Variants in SLC6A11 observed in about 807,000 individuals in gnomAD.
SLC6A11 encodes sodium- and chloride-dependent GABA transporter 3.
A neutral mutation model predicts 74.8 loss-of-function variants in SLC6A11; 25 were observed. The ratio of observed to expected loss-of-function variants is 0.33; its 90% confidence interval spans 0.24 to 0.47. The LOEUF is 0.47. Ranked by LOEUF, SLC6A11 falls within the 20% of genes least tolerant of loss-of-function variation. SLC6A11 has a pLI of 1.00. For missense variants in SLC6A11, 574 were observed against 837.0 expected, an observed-to-expected ratio of 0.69 and a Z score of 3.88; for synonymous variants, 330 against 330.2, an observed-to-expected ratio of 1.00 and a Z score of 0.01.
At chr3:10,883,492 C>T (rs1032129282) in intron 6 of SLC6A11, among the ~76,000 whole-genome samples, 14 of 152,162 alleles carry the variant, frequency 9.2e-5, no homozygotes, top group Non-Finnish European at 1.5e-4. Flanking sequence ...TTCCCCAGAT[C>T]CACCTCCTCT....
At chr3:10,908,604 C>T (rs1471939002) in intron 6 of SLC6A11, among the ~76,000 whole-genome samples, 2 of 152,142 alleles carry the variant, frequency 1.3e-5, no homozygotes, top group Admixed American at 1.3e-4. Flanking sequence ...CTCTGATTGC[C>T]TTAGCACAAG....
chr3:10,867,470 G>C (rs1284982590), intron 5 of SLC6A11, among the ~76,000 whole-genome samples: 1 of 152,180 alleles, frequency 6.6e-6, no homozygotes, highest in Non-Finnish European at 1.5e-5. Context: ...GATATTTCTG[G>C]CACCCAGTAG....
intron 10 of SLC6A11, among the ~76,000 whole-genome samples, chr3:10,929,838 C>G (rs1434078381): frequency 6.6e-6 from 1 of 152,172 alleles, no homozygotes; most frequent in African/African-American, 2.4e-5. Context: ...ATTGTCCCTG[C>G]TGGGCTTGCA....
intron 4 of SLC6A11, among the ~76,000 whole-genome samples, chr3:10,843,023 G>A (rs1297921630): frequency 6.6e-6 from 1 of 152,106 alleles, no homozygotes; most frequent in Admixed American, 6.5e-5. Context: ...ACAGAGTGCC[G>A]AAGCGACTGG....
At chr3:10,864,595 G>A (rs1321760020) in intron 5 of SLC6A11, among the ~76,000 whole-genome samples, 3 of 151,998 alleles carry the variant, frequency 2.0e-5, no homozygotes, top group South Asian at 2.1e-4. Flanking sequence ...TTGGGTCCCC[G>A]GCTTCCCTTC....
intron 5 of SLC6A11, among the ~76,000 whole-genome samples, chr3:10,855,186 C>G (rs73115412): frequency 1.6e-4 from 25 of 152,254 alleles, no homozygotes; most frequent in African/African-American, 6.0e-4. Context: ...TGACAATTAG[C>G]TAAGTAAAAT....
At chr3:10,877,531 T>C (rs530548926) in intron 6 of SLC6A11, among the ~76,000 whole-genome samples, 1 of 152,310 alleles carries the variant, frequency 6.6e-6, no homozygotes, top group East Asian at 1.9e-4. Flanking sequence ...TGAGGGTGTT[T>C]TATTGACTGC....
At chr3:10,829,439 A>C (rs1367640167) in intron 4 of SLC6A11, among the ~76,000 whole-genome samples, 2 of 152,216 alleles carry the variant, frequency 1.3e-5, no homozygotes, top group Non-Finnish European at 2.9e-5. Flanking sequence ...CTGATTCAGC[A>C]TCAGAAGTGC....
chr3:10,917,556 G>T (rs1054633663), intron 7 of SLC6A11, among the ~76,000 whole-genome samples: 1 of 152,208 alleles, frequency 6.6e-6, no homozygotes, highest in Admixed American at 6.5e-5. Flanking sequence ...GGTGATTTTA[G>T]GATGCTGGGC....
At chr3:10,855,998 G>C (rs1281843115) in intron 5 of SLC6A11, among the ~76,000 whole-genome samples, 1 of 152,184 alleles carries the variant, frequency 6.6e-6, no homozygotes. Flanking sequence ...GATGTGCTAT[G>C]AGTGGTCACT....
At chr3:10,927,426 T>C (rs1695624088) in intron 9 of SLC6A11, among the ~76,000 whole-genome samples, 1 of 151,874 alleles carries the variant, frequency 6.6e-6, no homozygotes, top group South Asian at 2.1e-4. Flanking sequence ...GCCTTGGATA[T>C]ATTCTCAGTT....
Position 10,819,557 on chromosome 3 carries a change from G to A in SLC6A11, c.349G>A (p.Gly117Ser), listed in dbSNP as rs1436466742. The change falls in exon 2 of 14, where the codon GGT becomes AGT. Residue 117 changes from glycine to serine, a missense_variant. This residue lies in a region of SLC6A11 where 215 missense variants were observed against 357.9 expected (regional missense o/e 0.60). Transcript: ENST00000254488. ...AGCTCTGGGGCAGTTCACAAGTGAA[G>A]GTGGCATTACGTGTTGGAGGAAAGT... Reference protein sequence around the residue: ...ETALGQFTSEGGITCWRKVCP... With the variant: ...ETALGQFTSESGITCWRKVCP... 1 of 1,614,162 alleles carries A rather than the reference G, an allele frequency of 6.2e-7. No individual in the cohort carries two copies. Among genetic ancestry groups the A allele is most frequent in the East Asian group, 2.2e-5 (1 of 44,892 alleles).
rs1309037019 is a variant in SLC6A11 at position 10,938,837 on chromosome 3, C to G, written c.*435C>G. ...TCCACAGCCGCCCCTCCTCCATACC[C>G]CAGGGATAATTTTTCCTTCAAACCT... On this transcript the variant is annotated 3_prime_UTR_variant, in exon 14 of 14. Transcript: ENST00000254488. The G allele has an allele frequency of 1.3e-5, 2 of 152,964 alleles. No homozygotes were observed. Among genetic ancestry groups the G allele is most frequent in the African/African-American group, 4.8e-5 (2 of 41,462 alleles). The allele number at this position is 152,964 out of a possible 1,614,324, so 9.5% of individuals were successfully genotyped here. A position where few individuals can be genotyped will look rare whatever the true frequency, so the allele number is the denominator to read the frequency against.
At chr3:10,925,978 G>A in intron 8 of SLC6A11, 26 bp from the exon 9 acceptor site, 2 of 1,334,500 alleles carry the variant, frequency 1.5e-6, no homozygotes, top group Non-Finnish European at 1.1e-6. Flanking sequence ...TCCACCCAGT[G>A]GCTTTCTCTC....
At chr3:10,898,255 C>T (rs916510879) in intron 6 of SLC6A11, among the ~76,000 whole-genome samples, 5 of 152,206 alleles carry the variant, frequency 3.3e-5, no homozygotes, top group South Asian at 2.1e-4. Flanking sequence ...GATTAACATT[C>T]GGCTCCTGGT....
Position 10,926,633 on chromosome 3 carries a change from C to G in SLC6A11, c.1233+517C>G, listed in dbSNP as rs904363008. The stretch of plus-strand genomic sequence containing the variant: ...GCCACCGCCTGCCTGTCTCTGTGCT[C>G]GGCCCTCCCTAGAGGCCCCTTGCCA... On this transcript the variant is annotated intron_variant, in intron 9 of 13. Coordinates refer to ENST00000254488, the MANE Select transcript of SLC6A11 (RefSeq NM_014229.3). This position sits in a 1 kb window ranked among gnomAD's most constrained non-coding sequence, Gnocchi z 5.7. Among the ~76,000 whole-genome samples, 1 of 152,260 alleles carries G rather than the reference C, an allele frequency of 6.6e-6. No homozygotes were observed. The highest frequency in any genetic ancestry group is 1.5e-5 in the Non-Finnish European group (1 of 68,018).
intron 5 of SLC6A11, among the ~76,000 whole-genome samples, chr3:10,850,212 A>T (rs1694556275): frequency 6.6e-6 from 1 of 152,260 alleles, no homozygotes; most frequent in South Asian, 2.1e-4. Flanking sequence ...TATTTCAAAT[A>T]TTAAAAAGCA....
chr3:10,853,262 A>G (rs1240107308), intron 5 of SLC6A11, among the ~76,000 whole-genome samples: 1 of 152,214 alleles, frequency 6.6e-6, no homozygotes, highest in African/African-American at 2.4e-5. Flanking sequence ...TGGCAGGAAC[A>G]GTGATGAGCA....
chr3:10,816,651 G>T lies in SLC6A11; in HGVS notation c.256+130G>T. 1.0e-6 allele frequency: 1 copy of T among 1,003,972 alleles called. No homozygotes were observed. Among genetic ancestry groups the T allele is most frequent in the Non-Finnish European group, 1.4e-6 (1 of 720,412 alleles). The allele number at this position is 1,003,972 out of a possible 1,614,324, so 62.2% of individuals were successfully genotyped here. A position where few individuals can be genotyped will look rare whatever the true frequency, so the allele number is the denominator to read the frequency against. On this transcript the variant is annotated intron_variant, in intron 1 of 13. Coordinates refer to ENST00000254488, the MANE Select transcript of SLC6A11 (RefSeq NM_014229.3). This position sits in a 1 kb window ranked among gnomAD's most constrained non-coding sequence, Gnocchi z 4.2. ...CCCGAGCGGAGAACCTCGACTCCAG[G>T]CACCTCGCGTGTGAGCTCGCCCCGG...
Sources: gnomAD v4.1 joint callset for allele counts (sites outside exome capture counted in the v4.1 genomes callset) on GRCh38, gnomAD v4.1.1 for gene constraint, gnomAD v4.1.1 regional missense constraint, Gnocchi (gnomAD v3.1) non-coding constraint, MANE v1.5 for transcripts, NCBI Gene and HGNC (gene_info 2026-07-23, HGNC 2026-07-21) for gene names.